TMEM135: variants seen among roughly 807,000 people sequenced by gnomAD.
TMEM135 encodes the protein transmembrane protein 135.
In TMEM135, 30 loss-of-function variants were observed where a neutral mutation model predicts 60.3. The ratio of observed to expected loss-of-function variants is 0.50; its 90% confidence interval spans 0.37 to 0.68. The LOEUF (loss-of-function observed/expected upper bound fraction) is 0.68. Among genes scored for constraint, TMEM135 ranks in the 30% least tolerant of loss-of-function variants. The pLI is 0.00. For missense variants in TMEM135, 468 were observed against 548.8 expected (o/e 0.85, Z 1.47); for synonymous variants, 190 against 186.7 (o/e 1.02, Z -0.14).
rs1342436448 is a variant in TMEM135 at position 87,328,517 on chromosome 11, C to T, written c.*7184C>T. Reference sequence around the variant, plus strand: ...TTTTATTCCTTCCCCTTCTGAGTCTCCATAGTCCATTATATCACTCTGTAT... The same window carrying T: ...TTTTATTCCTTCCCCTTCTGAGTCTTCATAGTCCATTATATCACTCTGTAT... On this transcript the variant is annotated 3_prime_UTR_variant, in exon 15 of 15. Coordinates refer to ENST00000305494, the MANE Select transcript of TMEM135 (RefSeq NM_022918.4). 2.2e-6 allele frequency: 1 copy of T among 453,952 alleles called. No individual in the cohort carries two copies. Among genetic ancestry groups the T allele is most frequent in the African/African-American group, 2.0e-5 (1 of 50,000 alleles). The allele number at this position is 453,952 out of a possible 1,614,324, so 28.1% of individuals were successfully genotyped here.
At chr11:87,202,012 A>ATGTTACGTT (rs1565484440) in intron 5 of TMEM135, among the ~76,000 whole-genome samples, 23 of 24,136 alleles carry the variant, frequency 9.5e-4, no homozygotes, top group African/African-American at 3.8e-3. Flanking sequence ...TATGTTATGT[A>ATGTTACGTT]ATGTTATGTT....
At chr11:87,199,123 AG>A (rs370087462) in intron 5 of TMEM135, among the ~76,000 whole-genome samples, 2 of 152,346 alleles carry the variant, frequency 1.3e-5, no homozygotes, top group African/African-American at 4.8e-5. Context: ...GCACTTCGGG[AG>A]GCCGAGGCAG....
At chr11:87,147,294 G>C (rs1938442799) in intron 4 of TMEM135, among the ~76,000 whole-genome samples, 1 of 152,190 alleles carries the variant, frequency 6.6e-6, no homozygotes, top group Non-Finnish European at 1.5e-5. Context: ...CTACACTCCA[G>C]CCTGGGTGAC....
intron 5 of TMEM135, among the ~76,000 whole-genome samples, chr11:87,189,596 A>G (rs1412834012): frequency 1.3e-5 from 2 of 152,140 alleles, no homozygotes; most frequent in Admixed American, 6.6e-5. Context: ...ACTGTGAAGT[A>G]TACATTCTGA....
Position 87,320,660 on chromosome 11 carries a change from AT to A in TMEM135, c.1245-536del, listed in dbSNP as rs369667478. On this transcript the variant is annotated intron_variant, in intron 14 of 14. Transcript: ENST00000305494. ...TAGGTAATGGATAACGTTAGGGTATATTTTTACTGTGTTGTGTCTATTAAAC... is the reference window on the plus strand; with the variant it reads ...TAGGTAATGGATAACGTTAGGGTATATTTTACTGTGTTGTGTCTATTAAAC... 1.7e-3 allele frequency among the ~76,000 whole-genome samples: 252 copies of A among 152,212 alleles called. No individual in the cohort carries two copies. In the Middle Eastern group the frequency reaches 0.017, roughly 10 times the overall value.
At chr11:87,255,220 G>A (rs899177737) in intron 6 of TMEM135, among the ~76,000 whole-genome samples, 1 of 152,120 alleles carries the variant, frequency 6.6e-6, no homozygotes, top group African/African-American at 2.4e-5. Flanking sequence ...GGTAGGGGTC[G>A]GAAGAAGAGG....
At chr11:87,144,021 G>T (rs1248304804) in intron 4 of TMEM135, among the ~76,000 whole-genome samples, 1 of 151,994 alleles carries the variant, frequency 6.6e-6, no homozygotes, top group Non-Finnish European at 1.5e-5. Context: ...TTTTCTGTGA[G>T]ACGAATGATG....
intron 4 of TMEM135, among the ~76,000 whole-genome samples, chr11:87,092,968 G>A (rs1009842064): frequency 1.3e-5 from 2 of 151,840 alleles, no homozygotes; most frequent in Non-Finnish European, 2.9e-5. Flanking sequence ...TTTGTAGTCC[G>A]AGAATTCATG....
intron 4 of TMEM135, among the ~76,000 whole-genome samples, chr11:87,114,366 A>G (rs1857825695): frequency 6.6e-6 from 1 of 152,204 alleles, no homozygotes; most frequent in Admixed American, 6.5e-5. Flanking sequence ...ACATCTGACT[A>G]AAGAAGTGAA....
chr11:87,132,772 T>C (rs1346394516), intron 4 of TMEM135, among the ~76,000 whole-genome samples: 5 of 152,208 alleles, frequency 3.3e-5, no homozygotes, highest in African/African-American at 1.2e-4. Context: ...CCCTAGTGGA[T>C]GCTGGAATTT....
intron 4 of TMEM135, among the ~76,000 whole-genome samples, chr11:87,146,940 A>G (rs1938431910): frequency 6.6e-6 from 1 of 152,144 alleles, no homozygotes; most frequent in Admixed American, 6.5e-5. Flanking sequence ...CTATTTTTGT[A>G]TTTATATTTA....
intron 4 of TMEM135, among the ~76,000 whole-genome samples, chr11:87,130,387 A>G (rs1012748522): frequency 8.5e-5 from 13 of 152,196 alleles, no homozygotes; most frequent in African/African-American, 3.1e-4. Context: ...GAGGGCCTGG[A>G]TGAACAAACT....
chr11:87,137,701 G>A (rs1003353999), intron 4 of TMEM135, among the ~76,000 whole-genome samples: 7 of 150,560 alleles, frequency 4.6e-5, no homozygotes, highest in South Asian at 2.1e-4. Flanking sequence ...TTGCTTTGAC[G>A]TAAGTGTAAG....
intron 5 of TMEM135, among the ~76,000 whole-genome samples, chr11:87,183,955 CAAAAAA>C (rs71040297): frequency 2.5e-5 from 2 of 80,110 alleles, no homozygotes; most frequent in African/African-American, 5.5e-5. Context: ...GACTTCGTCG[CAAAAAA>C]AAAAAAAAAA....
At chr11:87,214,726 A>C (rs963721353) in intron 5 of TMEM135, among the ~76,000 whole-genome samples, 1 of 152,186 alleles carries the variant, frequency 6.6e-6, no homozygotes, top group Non-Finnish European at 1.5e-5. Flanking sequence ...TGGGAAGGAA[A>C]AACTGAAGCT....
intron 1 of TMEM135, among the ~76,000 whole-genome samples, chr11:87,058,567 G>T (rs577067256): frequency 6.6e-6 from 1 of 152,138 alleles, no homozygotes; most frequent in African/African-American, 2.4e-5. Flanking sequence ...CTGGTCTCAA[G>T]TGATCCACCC....
At chr11:87,203,275 T>C (rs1365673202) in intron 5 of TMEM135, among the ~76,000 whole-genome samples, 3 of 152,096 alleles carry the variant, frequency 2.0e-5, no homozygotes, top group South Asian at 4.2e-4. Flanking sequence ...TGGGTTTGGA[T>C]GAATGTATAA....
At chr11:87,272,051 C>CT (rs773654603) in intron 6 of TMEM135, among the ~76,000 whole-genome samples, 1,735 of 81,152 alleles carry the variant, frequency 0.021, 19 homozygotes, top group Non-Finnish European at 0.034. Context: ...TTTTTCTTTT[C>CT]TTTTTTTTTT....
At chr11:87,058,389 G>C (rs1031058765) in intron 1 of TMEM135, among the ~76,000 whole-genome samples, 2 of 151,928 alleles carry the variant, frequency 1.3e-5, no homozygotes, top group African/African-American at 2.4e-5. Context: ...GAGTGCAGTG[G>C]CGTGATCTTG....
Sources: allele counts gnomAD v4.1 joint callset (sites outside exome capture counted in the v4.1 genomes callset), GRCh38; gene constraint gnomAD v4.1.1; transcripts MANE v1.5; gene names NCBI Gene and HGNC (gene_info 2026-07-23, HGNC 2026-07-21).